The following SLC22A3 variants were observed in gnomAD, a reference collection of about 807,000 sequenced individuals.
SLC22A3 encodes solute carrier family 22 member 3.
In SLC22A3, 51 loss-of-function variants were observed where a neutral mutation model predicts 59.1. That is an observed-to-expected ratio of 0.86 (90% CI 0.69 to 1.09). SLC22A3 has a LOEUF of 1.09. Ranked by LOEUF, SLC22A3 falls within the 50% of genes least tolerant of loss-of-function variation. SLC22A3 has a pLI of 0.00. For synonymous variants in SLC22A3, 325 were observed against 292.0 expected (o/e 1.11, Z -1.15); for missense variants, 711 against 726.3 (o/e 0.98, Z 0.24).
rs1787423415 is a variant in SLC22A3, at chr6:160,415,076, C to T, written c.975+4230C>T. Among the ~76,000 whole-genome samples, 1 of 152,190 alleles carries T rather than the reference C, an allele frequency of 6.6e-6. No individual in the cohort carries two copies. The highest frequency in any genetic ancestry group is 2.1e-4 in the South Asian group (1 of 4,830). On this transcript the variant is annotated intron_variant, in intron 5 of 10. Transcript: ENST00000275300. The surrounding 1 kb of genome is among the most constrained non-coding windows in gnomAD (Gnocchi z 4.1). Reference sequence around the variant, plus strand: ...TCCAAGGGAGCTTTGGTTTTTGAAACATATGTCTTCAAACCGAACCTACCC... The same window carrying T: ...TCCAAGGGAGCTTTGGTTTTTGAAATATATGTCTTCAAACCGAACCTACCC...
chr6:160,445,495 T>C (rs1788705941), intron 9 of SLC22A3, among the ~76,000 whole-genome samples: 1 of 152,138 alleles, frequency 6.6e-6, no homozygotes, highest in African/African-American at 2.4e-5. Context: ...CCTTGCATTG[T>C]AGAAACACAG....
At chr6:160,357,440 CAT>C (rs1259151819) in intron 1 of SLC22A3, among the ~76,000 whole-genome samples, 3 of 152,188 alleles carry the variant, frequency 2.0e-5, no homozygotes, top group Non-Finnish European at 4.4e-5. Context: ...TGAAAGACAA[CAT>C]GTGTGCTTCC....
chr6:160,432,206 A>G (rs1471451059), intron 5 of SLC22A3, among the ~76,000 whole-genome samples: 6 of 152,302 alleles, frequency 3.9e-5, no homozygotes, highest in Non-Finnish European at 7.4e-5. Context: ...TCACGTGCCC[A>G]GTCACTGACA....
intron 7 of SLC22A3, among the ~76,000 whole-genome samples, chr6:160,441,619 T>C (rs970542961): frequency 6.6e-6 from 1 of 151,644 alleles, no homozygotes; most frequent in Admixed American, 6.6e-5. Context: ...TTTTTTTTTT[T>C]TTTTGACTTG....
Position 160,410,771 on chromosome 6 carries a change from A to G in SLC22A3, c.900A>G (p.Lys300=), listed in dbSNP as rs1327994226. ...CCCGTTGGCTGATTACTCGGAAGAA[A>G]GGAGATAAAGCATTACAGATCCTGA... is the stretch of plus-strand genomic sequence containing the variant. ...ESPRWLITRK[K]GDKALQILRR... is the part of the protein sequence containing the mutation. The change falls in exon 5 of 11, where the codon AAA becomes AAG. Residue 300 remains lysine (K), a synonymous_variant. Coordinates refer to ENST00000275300, the MANE Select transcript of SLC22A3 (RefSeq NM_021977.4). 5.0e-6 allele frequency: 8 copies of G among 1,613,324 alleles called. No homozygotes were observed. In the East Asian group the frequency reaches 6.7e-5, roughly 13 times the overall value.
At chr6:160,438,158 C>T (rs1189728330) in intron 7 of SLC22A3, among the ~76,000 whole-genome samples, 2 of 152,144 alleles carry the variant, frequency 1.3e-5, no homozygotes, top group Admixed American at 1.3e-4. Flanking sequence ...TTTTTCAGAG[C>T]TCCATGCCTG....
intron 1 of SLC22A3, among the ~76,000 whole-genome samples, chr6:160,352,949 T>C (rs974517028): frequency 6.6e-6 from 1 of 152,180 alleles, no homozygotes; most frequent in Non-Finnish European, 1.5e-5. Flanking sequence ...GCCTCCTGAG[T>C]AGCTGGGATT....
chr6:160,394,952 CT>C (rs1786412375), intron 1 of SLC22A3, among the ~76,000 whole-genome samples: 1 of 152,176 alleles, frequency 6.6e-6, no homozygotes, highest in Non-Finnish European at 1.5e-5. Context: ...TCCCTCCTAC[CT>C]TCTGATTTTG....
chr6:160,414,967 G>A (rs1787418324), intron 5 of SLC22A3, among the ~76,000 whole-genome samples: 1 of 152,120 alleles, frequency 6.6e-6, no homozygotes, highest in Non-Finnish European at 1.5e-5. Context: ...AGTAGCTTCT[G>A]AATACCTCCT....
intron 5 of SLC22A3, among the ~76,000 whole-genome samples, chr6:160,430,752 C>T (rs1788123026): frequency 1.3e-5 from 2 of 152,198 alleles, no homozygotes; most frequent in Admixed American, 6.5e-5. Flanking sequence ...TAGTGTTACC[C>T]GGAACATCAC....
intron 1 of SLC22A3, among the ~76,000 whole-genome samples, chr6:160,366,859 T>A (rs1376508628): frequency 4.6e-5 from 7 of 152,150 alleles, no homozygotes; most frequent in Admixed American, 4.6e-4. Context: ...GTCAAAGTAA[T>A]TCAACAAGTC....
At chr6:160,375,158 C>T (rs1395864518) in intron 1 of SLC22A3, among the ~76,000 whole-genome samples, 1 of 152,130 alleles carries the variant, frequency 6.6e-6, no homozygotes, top group African/African-American at 2.4e-5. Context: ...TCCTCTTTTT[C>T]CTGAAAGAAA....
chr6:160,425,187 G>A (rs1172041796), intron 5 of SLC22A3, among the ~76,000 whole-genome samples: 1 of 152,060 alleles, frequency 6.6e-6, no homozygotes, highest in Non-Finnish European at 1.5e-5. Flanking sequence ...AATTTAAACA[G>A]GTTGAGTATT....
rs116236210 is a variant in SLC22A3 at position 160,354,433 on chromosome 6, G to A, written c.429+5585G>A. Among the ~76,000 whole-genome samples the A allele has an allele frequency of 8.0e-3, 1,217 of 152,318 alleles. 18 individuals are homozygous for A. Among genetic ancestry groups the A allele is most frequent in the African/African-American group, 0.027 (1,126 of 41,568 alleles). ...ATAAAGACCCTTAAGCCAGGTGGGA[G>A]TCAGGAGGGAGGGAAGGAACAGGCT... On this transcript the variant is annotated intron_variant, in intron 1 of 10. Transcript: ENST00000275300.
chr6:160,348,735 A>G lies in SLC22A3; in HGVS notation c.316A>G (p.Ser106Gly), dbSNP rs557714155. 2.3e-5 allele frequency: 35 copies of G among 1,531,390 alleles called. 1 individual carries two copies. The East Asian group carries it at 7.2e-4, about 31-fold the overall frequency. 94.9% of individuals were successfully genotyped at this position (1,531,390 alleles called of 1,614,324 possible). Residue 106 changes from serine to glycine, a missense_variant, in exon 1 of 11, where the codon AGC (serine) becomes GGC (glycine). Physicochemically the swap from Ser to Gly is moderately conservative, Grantham distance 56. Coordinates refer to ENST00000275300, the MANE Select transcript of SLC22A3 (RefSeq NM_021977.4). ...EAANDSASAT[S>G]ALSCADPLAA... ...GGCCAACGACAGCGCCTCCGCCACT[A>G]GCGCTCTCAGCTGCGCGGACCCACT...
intron 2 of SLC22A3, among the ~76,000 whole-genome samples, chr6:160,400,957 G>T (rs1184086374): frequency 7.9e-6 from 1 of 126,884 alleles, no homozygotes; most frequent in Non-Finnish European, 1.6e-5. Flanking sequence ...TGGCCTTGAG[G>T]ATATCCCAGT....
At chr6:160,423,690 A>T (rs942190095) in intron 5 of SLC22A3, among the ~76,000 whole-genome samples, 5 of 151,782 alleles carry the variant, frequency 3.3e-5, no homozygotes, top group Non-Finnish European at 2.9e-5. Context: ...TTTTCTTGCA[A>T]ATTTGAGTTC....
At chr6:160,354,042 G>A (rs549667617) in intron 1 of SLC22A3, among the ~76,000 whole-genome samples, 1 of 152,172 alleles carries the variant, frequency 6.6e-6, no homozygotes, top group Non-Finnish European at 1.5e-5. Flanking sequence ...AGCGGGGGAA[G>A]CCCACAGCTG....
rs548265049 is a variant in SLC22A3, at chr6:160,419,200, TC to T, written c.975+8355del. The stretch of plus-strand genomic sequence containing the variant: ...TATTACCTTAGTTGTCAGGGAGACT[TC>T]TAGACCTTAATAGCTACCGTCTTTT... On this transcript the variant is annotated intron_variant, in intron 5 of 10. Transcript: ENST00000275300. 2.1e-3 allele frequency among the ~76,000 whole-genome samples: 317 copies of T among 152,342 alleles called. 3 individuals carry two copies. Among genetic ancestry groups the T allele is most frequent in the Middle Eastern group, 0.02 (6 of 294 alleles).
Sources: gnomAD v4.1 joint callset for allele counts (sites outside exome capture counted in the v4.1 genomes callset) on GRCh38, gnomAD v4.1.1 for gene constraint, Gnocchi (gnomAD v3.1) non-coding constraint, MANE v1.5 for transcripts, NCBI Gene and HGNC (gene_info 2026-07-23, HGNC 2026-07-21) for gene names.